HPSE2: variants seen among roughly 807,000 people sequenced by gnomAD.
HPSE2 encodes the protein inactive heparanase-2.
In HPSE2, 38 loss-of-function variants were observed where a neutral mutation model predicts 60.5. That is an observed-to-expected ratio of 0.63 (90% CI 0.48 to 0.82). The LOEUF (loss-of-function observed/expected upper bound fraction) is 0.82, where lower values mean the gene tolerates loss of function less well. Ranked by LOEUF, HPSE2 falls within the 40% of genes least tolerant of loss-of-function variation. The pLI, the probability that HPSE2 is intolerant of heterozygous loss-of-function variation, is 0.00. For synonymous variants in HPSE2, 295 were observed against 293.2 expected (o/e 1.01, Z -0.06); for missense variants, 713 against 740.4 (o/e 0.96, Z 0.43).
At chr10:99,273,392 C>T in the HPSE2 span, among the ~76,000 whole-genome samples, 1 of 152,124 alleles carries the variant, frequency 6.6e-6, no homozygotes, top group South Asian at 2.1e-4. Context: ...CCAAACACTA[C>T]CTGTTCCCCA....
intron 9 of HPSE2, among the ~76,000 whole-genome samples, chr10:98,608,185 C>A (rs1308898425): frequency 1.3e-5 from 2 of 152,218 alleles, no homozygotes; most frequent in Non-Finnish European, 2.9e-5. Flanking sequence ...AAAGCCAATA[C>A]TTTTAAGCAG....
At chr10:98,573,559 T>C (rs1944560801) in intron 9 of HPSE2, among the ~76,000 whole-genome samples, 1 of 152,116 alleles carries the variant, frequency 6.6e-6, no homozygotes, top group Non-Finnish European at 1.5e-5. Context: ...TGAAATGGGG[T>C]GAGAGCGTTT....
chr10:98,868,646 A>G (rs535746221), intron 3 of HPSE2, among the ~76,000 whole-genome samples: 1 of 152,312 alleles, frequency 6.6e-6, no homozygotes, highest in African/African-American at 2.4e-5. Context: ...TATCTACAAA[A>G]GTTAAAAAAT....
chr10:99,078,024 G>T (rs1215457944), intron 3 of HPSE2, among the ~76,000 whole-genome samples: 1 of 152,036 alleles, frequency 6.6e-6, no homozygotes, highest in African/African-American at 2.4e-5. Context: ...CCCTCTCTCT[G>T]TCTTGCTCCC....
intron 2 of HPSE2, among the ~76,000 whole-genome samples, chr10:99,162,178 T>C (rs967572523): frequency 3.9e-5 from 6 of 152,212 alleles, no homozygotes; most frequent in Non-Finnish European, 8.8e-5. Context: ...AATTCTGTTA[T>C]AATGGTAAAT....
At chr10:98,575,000 T>C (rs1269817409) in intron 9 of HPSE2, among the ~76,000 whole-genome samples, 2 of 152,176 alleles carry the variant, frequency 1.3e-5, no homozygotes, top group African/African-American at 4.8e-5. Context: ...TTCTTTTCTT[T>C]TTTATTTTTA....
At chr10:99,005,344 C>T (rs987859297) in intron 3 of HPSE2, among the ~76,000 whole-genome samples, 1 of 152,006 alleles carries the variant, frequency 6.6e-6, no homozygotes, top group Non-Finnish European at 1.5e-5. Context: ...CACTCCTTTT[C>T]TTTTTAATTT....
chr10:98,584,973 A>T (rs1944899017), intron 9 of HPSE2, among the ~76,000 whole-genome samples: 1 of 152,222 alleles, frequency 6.6e-6, no homozygotes, highest in South Asian at 2.1e-4. Context: ...TTAAAGTCAC[A>T]AAATATTAGA....
chr10:98,577,258 C>G lies in HPSE2; in HGVS notation c.1320+37646G>C, dbSNP rs1944667046. Among the ~76,000 whole-genome samples, 2 of 151,422 alleles carry G rather than the reference C, an allele frequency of 1.3e-5. 1 individual carries two copies. The highest frequency in any genetic ancestry group is 4.2e-4 in the South Asian group (2 of 4,800). ...TTTTACTGTCTCAGGAAGCTCTTGCCCAGGAAGATACAACTTGAAAATATG... is the reference window on the plus strand; with the variant it reads ...TTTTACTGTCTCAGGAAGCTCTTGCGCAGGAAGATACAACTTGAAAATATG... On this transcript the variant is annotated intron_variant, in intron 9 of 11. Transcript: ENST00000370552.
At chr10:98,761,445 CTT>C (rs1339741881) in intron 3 of HPSE2, among the ~76,000 whole-genome samples, 1 of 151,968 alleles carries the variant, frequency 6.6e-6, no homozygotes, top group Non-Finnish European at 1.5e-5. Flanking sequence ...ATTTGTTCTT[CTT>C]TTTCTAATTC....
At chr10:98,730,048 C>T (rs2134281009) in intron 4 of HPSE2, among the ~76,000 whole-genome samples, 2 of 148,918 alleles carry the variant, frequency 1.3e-5, no homozygotes, top group Middle Eastern at 6.8e-3. Context: ...GATACATATT[C>T]TTTTCTAGTA....
At chr10:99,261,356 G>A in the HPSE2 span, among the ~76,000 whole-genome samples, 85 of 152,178 alleles carry the variant, frequency 5.6e-4, no homozygotes, top group Middle Eastern at 3.4e-3. Flanking sequence ...CACCCGGTCC[G>A]GCTTACAGTT....
At chr10:98,573,379 GC>G (rs1467012209) in intron 9 of HPSE2, among the ~76,000 whole-genome samples, 2 of 152,142 alleles carry the variant, frequency 1.3e-5, no homozygotes, top group African/African-American at 4.8e-5. Context: ...GACTCTTGAG[GC>G]TTGCATATAG....
At chr10:98,670,027 T>C (rs966884610) in intron 6 of HPSE2, among the ~76,000 whole-genome samples, 2 of 152,220 alleles carry the variant, frequency 1.3e-5, no homozygotes, top group Admixed American at 1.3e-4. Context: ...TGCAGATTTC[T>C]AGAGGAAGAC....
At position 98,459,638 on chromosome 10, in the gene HPSE2, G is replaced by A. The variant is rs774905173; in HGVS notation, c.1715C>T (p.Pro572Leu). Residue 572 changes from proline (P) to leucine (L), a missense_variant, in exon 12 of 12, where the codon CCT becomes CTT. By Grantham distance (98) the Pro-to-Leu change is moderately conservative. Coordinates refer to ENST00000370552, the MANE Select transcript of HPSE2 (RefSeq NM_021828.5). Reference protein sequence around the residue: ...PLRAGRTLVIPPVTMGFYVVK... With the variant: ...PLRAGRTLVILPVTMGFYVVK... ...CACATAAAAGCCCATGGTGACTGGA[G>A]GGATGACCAATGTCCGGCCGGCCCG... 49 of 1,614,052 alleles carry A rather than the reference G, an allele frequency of 3.0e-5. No individual in the cohort carries two copies. The highest frequency in any genetic ancestry group is 4.1e-5 in the Non-Finnish European group (48 of 1,180,030).
chr10:98,490,400 T>C (rs895569924), intron 9 of HPSE2, among the ~76,000 whole-genome samples: 5 of 152,164 alleles, frequency 3.3e-5, no homozygotes, highest in Non-Finnish European at 7.4e-5. Context: ...GATAATGAAA[T>C]GGACACTGTC....
chr10:98,997,472 A>T (rs1015475293), intron 3 of HPSE2, among the ~76,000 whole-genome samples: 1 of 152,198 alleles, frequency 6.6e-6, no homozygotes, highest in African/African-American at 2.4e-5. Context: ...GAGGCCTTTG[A>T]TTAGAAGGCT....
rs923779707 is a variant in HPSE2 at position 98,846,138 on chromosome 10, C to T, written c.611-102082G>A. ...GGAATATGATATTATTATAAACTTA[C>T]TGATTTTGTCTTTATACAACTTAAC... On this transcript the variant is annotated intron_variant, in intron 3 of 11. Coordinates refer to ENST00000370552, the MANE Select transcript of HPSE2 (RefSeq NM_021828.5). Among the ~76,000 whole-genome samples, 5 of 152,146 alleles carry T rather than the reference C, an allele frequency of 3.3e-5. No individual in the cohort carries two copies. In the South Asian group the frequency reaches 8.3e-4, roughly 25 times the overall value.
At chr10:98,725,272 T>C (rs1173710074) in intron 4 of HPSE2, among the ~76,000 whole-genome samples, 1 of 152,190 alleles carries the variant, frequency 6.6e-6, no homozygotes, top group African/African-American at 2.4e-5. Context: ...AACAGCATGG[T>C]ACTGGTACCA....
Sources: allele counts gnomAD v4.1 joint callset (sites outside exome capture counted in the v4.1 genomes callset), GRCh38; gene constraint gnomAD v4.1.1; transcripts MANE v1.5; gene names NCBI Gene and HGNC (gene_info 2026-07-23, HGNC 2026-07-21).